Variants in NMNAT2 observed in about 807,000 individuals in gnomAD.
NMNAT2 encodes the protein nicotinamide/nicotinic acid mononucleotide adenylyltransferase 2.
Under a neutral mutation model 41.6 loss-of-function variants are expected in NMNAT2, and 11 were observed. The ratio of observed to expected loss-of-function variants is 0.26; its 90% CI spans 0.17 to 0.44. The LOEUF is 0.44. NMNAT2 is among the 20% of genes least tolerant of loss of function. The pLI is 1.00. For synonymous variants in NMNAT2, 148 were observed against 151.2 expected (o/e 0.98, Z 0.16); for missense variants, 288 against 407.7 (o/e 0.71, Z 2.53).
At chr1:183,259,749 G>A (rs961974200) in intron 10 of NMNAT2, among the ~76,000 whole-genome samples, 7 of 152,094 alleles carry the variant, frequency 4.6e-5, no homozygotes, top group African/African-American at 1.7e-4. Context: ...ACAGGCGGCT[G>A]CCACCACGCC....
chr1:183,346,619 A>C (rs1031434054), intron 1 of NMNAT2, among the ~76,000 whole-genome samples: 2 of 152,168 alleles, frequency 1.3e-5, no homozygotes, highest in African/African-American at 4.8e-5. Flanking sequence ...ATGATAAGGA[A>C]GTCTCCTCTG....
At chr1:183,372,333 T>G (rs537147005) in intron 1 of NMNAT2, among the ~76,000 whole-genome samples, 1 of 151,540 alleles carries the variant, frequency 6.6e-6, no homozygotes, top group African/African-American at 2.4e-5. Flanking sequence ...ACAGAAGCAA[T>G]GACTACAGAG....
At chr1:183,352,038 C>G (rs1663069016) in intron 1 of NMNAT2, among the ~76,000 whole-genome samples, 1 of 152,148 alleles carries the variant, frequency 6.6e-6, no homozygotes, top group Non-Finnish European at 1.5e-5. Context: ...CATATCAATA[C>G]TTATTTTCCC....
chr1:183,289,254 C>T (rs962725322), intron 4 of NMNAT2, among the ~76,000 whole-genome samples: 28 of 152,288 alleles, frequency 1.8e-4, no homozygotes, highest in African/African-American at 6.3e-4. Context: ...TCCGTGGAGG[C>T]GAGCAGAATT....
chr1:183,286,724 G>A lies in NMNAT2; in HGVS notation c.386C>T (p.Pro129Leu). ...AATGGGCTGGGGGGTCTCGTTTTGT[G>A]GCTGTCCGATCACAGGTGTCATGGA... ...TPSMTPVIGQ[P>L]QNETPQPIYQ... is the part of the protein sequence containing the mutation. The change falls in exon 5 of 11, where the codon CCA becomes CTA. Residue 129 changes from proline (P) to leucine (L), a missense_variant. Physicochemically the swap from Pro to Leu is moderately conservative, Grantham distance 98. Transcript: ENST00000287713. The A allele has an allele frequency of 1.2e-6, 2 of 1,612,478 alleles. No homozygotes were observed. The highest frequency in any genetic ancestry group is 1.7e-6 in the Non-Finnish European group (2 of 1,179,380).
chr1:183,248,782 A>T lies in NMNAT2; in HGVS notation c.*3859T>A, dbSNP rs1444676484. On this transcript the variant is annotated 3_prime_UTR_variant, in exon 11 of 11. Coordinates refer to ENST00000287713, the MANE Select transcript of NMNAT2 (RefSeq NM_015039.4). ...ACCTGTTGGCCCTCCTGCAGTAGGT[A>T]GCCTTGGGAGAGATCCTGAGCTTTT... 1 of 152,172 alleles carries T rather than the reference A, an allele frequency of 6.6e-6. No homozygotes were observed. The highest frequency in any genetic ancestry group is 2.4e-5 in the African/African-American group (1 of 41,430). 9.4% of individuals were successfully genotyped at this position (152,172 alleles called of 1,614,324 possible).
At chr1:183,410,675 C>T (rs16828955) in intron 1 of NMNAT2, among the ~76,000 whole-genome samples, 2,975 of 152,162 alleles carry the variant, frequency 0.02, 65 homozygotes, top group African/African-American at 0.055. Flanking sequence ...TTCCTTAATG[C>T]GCCATGCTGT....
chr1:183,322,372 T>C (rs935766305), intron 1 of NMNAT2, among the ~76,000 whole-genome samples: 2 of 152,180 alleles, frequency 1.3e-5, no homozygotes, highest in African/African-American at 4.8e-5. Context: ...GGGGGCCTCA[T>C]GCTCTACTTC....
chr1:183,252,832 T>G, intron 10 of NMNAT2, 89 bp from the exon 11 acceptor site: 1 of 908,810 alleles, frequency 1.1e-6, no homozygotes, highest in Non-Finnish European at 1.8e-6. Context: ...CAGCACCCCA[T>G]TTGTAGCCTT....
intron 1 of NMNAT2, among the ~76,000 whole-genome samples, chr1:183,412,234 T>C (rs1425064782): frequency 1.3e-5 from 2 of 152,220 alleles, no homozygotes; most frequent in Non-Finnish European, 2.9e-5. Flanking sequence ...TTTGTTTGTT[T>C]GTTTATTGAG....
At chr1:183,295,561 A>G (rs535441869) in intron 1 of NMNAT2, among the ~76,000 whole-genome samples, 62 of 152,216 alleles carry the variant, frequency 4.1e-4, no homozygotes, top group African/African-American at 1.4e-3. Flanking sequence ...TTACATTAAG[A>G]TTTACTCTGT....
At chr1:183,328,966 TGCAGAGGTA>T (rs201583650) in intron 1 of NMNAT2, among the ~76,000 whole-genome samples, 2,001 of 152,262 alleles carry the variant, frequency 0.013, 27 homozygotes, top group Middle Eastern at 0.075. Context: ...TTTTGTGCTG[TGCAGAGGTA>T]GCAGAGGTAG....
chr1:183,396,941 T>C (rs1051841156), intron 1 of NMNAT2, among the ~76,000 whole-genome samples: 1 of 152,142 alleles, frequency 6.6e-6, no homozygotes, highest in African/African-American at 2.4e-5. Flanking sequence ...GTGACTCGGA[T>C]GCATTCCACT....
intron 10 of NMNAT2, among the ~76,000 whole-genome samples, chr1:183,258,786 GC>G (rs1260055490): frequency 2.0e-5 from 3 of 151,776 alleles, no homozygotes; most frequent in Non-Finnish European, 4.4e-5. Context: ...TGAATTTGCG[GC>G]CCCCCACCCA....
intron 1 of NMNAT2, among the ~76,000 whole-genome samples, chr1:183,326,013 C>T (rs1281748129): frequency 6.6e-6 from 1 of 152,114 alleles, no homozygotes; most frequent in Non-Finnish European, 1.5e-5. Flanking sequence ...CACAAACACA[C>T]ATATACATGT....
At chr1:183,304,021 C>T (rs1661933421) in intron 1 of NMNAT2, among the ~76,000 whole-genome samples, 2 of 152,342 alleles carry the variant, frequency 1.3e-5, no homozygotes, top group South Asian at 2.1e-4. Context: ...CTCTCTCTGC[C>T]CTCATACCCT....
intron 1 of NMNAT2, among the ~76,000 whole-genome samples, chr1:183,340,048 G>C (rs1662762231): frequency 6.6e-6 from 1 of 152,222 alleles, no homozygotes; most frequent in East Asian, 1.9e-4. Context: ...AAGGAGCAGA[G>C]AGCCTGGTCC....
At chr1:183,381,612 G>A (rs189290461) in intron 1 of NMNAT2, among the ~76,000 whole-genome samples, 156 of 152,154 alleles carry the variant, frequency 1.0e-3, no homozygotes, top group Middle Eastern at 6.8e-3. Flanking sequence ...CAGGAGAATC[G>A]TTTGAGCCCA....
chr1:183,332,627 G>A (rs1201608895), intron 1 of NMNAT2, among the ~76,000 whole-genome samples: 3 of 152,122 alleles, frequency 2.0e-5, no homozygotes, highest in Admixed American at 2.0e-4. Flanking sequence ...TGCACATGGG[G>A]GCAGTGGAGG....
Sources: gnomAD v4.1 joint callset for allele counts (sites outside exome capture counted in the v4.1 genomes callset) on GRCh38, gnomAD v4.1.1 for gene constraint, MANE v1.5 for transcripts, NCBI Gene and HGNC (gene_info 2026-07-23, HGNC 2026-07-21) for gene names.